Variants in DCLRE1C observed in about 807,000 individuals in gnomAD.
DCLRE1C encodes DNA cross-link repair 1C, also known as protein artemis.
DCLRE1C carries 47 observed loss-of-function variants against 61.4 expected under a neutral mutation model. That is an observed-to-expected ratio of 0.77 (90% confidence interval 0.61 to 0.98). The LOEUF (loss-of-function observed/expected upper bound fraction) is 0.98. Ranked by LOEUF, DCLRE1C falls within the 50% of genes least tolerant of loss-of-function variation. The pLI is 0.00. For missense variants in DCLRE1C, 858 were observed against 816.0 expected (o/e 1.05, Z -0.63); for synonymous variants, 337 against 287.6 (o/e 1.17, Z -1.74).
chr10:14,906,043 C>T lies in DCLRE1C; in HGVS notation c.*2365G>A, dbSNP rs192927848. Among the ~76,000 whole-genome samples, 1 of 152,276 alleles carries T rather than the reference C, an allele frequency of 6.6e-6. No individual in the cohort carries two copies. The highest frequency in any genetic ancestry group is 1.9e-4 in the East Asian group (1 of 5,184). On this transcript the variant is annotated 3_prime_UTR_variant, in exon 14 of 14. Transcript: ENST00000378278. ...TGGTTTATGATTCTTGACGTAAAAA[C>T]CAAGTAGCTGCTACAATTAACCCTG...
chr10:14,908,250 T>C lies in DCLRE1C; in HGVS notation c.*158A>G. The C allele has an allele frequency of 1.8e-6, 1 of 569,720 alleles. No homozygotes were observed. The highest frequency in any genetic ancestry group is 1.9e-5 in the South Asian group (1 of 53,892). 35.3% of individuals were successfully genotyped at this position (569,720 alleles called of 1,614,324 possible). On this transcript the variant is annotated 3_prime_UTR_variant, in exon 14 of 14. Coordinates refer to ENST00000378278, the MANE Select transcript of DCLRE1C (RefSeq NM_001033855.3). ...GTGTCGAACTCCTGGGCTCAAGCCA[T>C]TGCCCACCTCAAAGTGCTGGGATTA...
rs749175752 is a variant in DCLRE1C, at chr10:14,916,332, G to A, written c.1156+3406C>T. ...ACAATGATGATCTTATATAGAAACC[G>A]CAATGGAATCTACAAGAAAAGGCAC... On this transcript the variant is annotated intron_variant, in intron 13 of 13. Transcript: ENST00000378278. Among the ~76,000 whole-genome samples, 14 of 152,066 alleles carry A rather than the reference G, an allele frequency of 9.2e-5. No homozygotes were observed. The East Asian group carries it at 1.2e-3, about 13-fold the overall frequency.
chr10:14,932,084 A>G (rs1206058070), intron 9 of DCLRE1C, among the ~76,000 whole-genome samples: 2 of 151,592 alleles, frequency 1.3e-5, no homozygotes, highest in Non-Finnish European at 2.9e-5. Context: ...ATTAGCCAGA[A>G]GTCATGGTGC....
chr10:14,901,861 T>G (rs1195333093), downstream of DCLRE1C, among the ~76,000 whole-genome samples: 1 of 152,118 alleles, frequency 6.6e-6, no homozygotes, highest in Non-Finnish European at 1.5e-5. Flanking sequence ...ATTTTTGAAT[T>G]TTTACTGAGA....
upstream of DCLRE1C, chr10:14,954,219 C>T (rs770140632): frequency 1.5e-4 from 115 of 747,504 alleles, no homozygotes; most frequent in Non-Finnish European, 2.1e-4. Context: ...GGGTTTAAAT[C>T]ACCCGCGCTT....
At chr10:14,938,240 T>C (rs1840295907) in intron 4 of DCLRE1C, among the ~76,000 whole-genome samples, 1 of 152,206 alleles carries the variant, frequency 6.6e-6, no homozygotes, top group Non-Finnish European at 1.5e-5. Flanking sequence ...GTTCAGGGAA[T>C]GCCTTTCACC....
At position 14,906,052 on chromosome 10, in the gene DCLRE1C, T is replaced by G. The variant is rs1366623140; in HGVS notation, c.*2356A>C. Among the ~76,000 whole-genome samples the G allele has an allele frequency of 6.6e-6, 1 of 152,238 alleles. No homozygotes were observed. The highest frequency in any genetic ancestry group is 1.9e-4 in the East Asian group (1 of 5,204). ...ATTCTTGACGTAAAAACCAAGTAGC[T>G]GCTACAATTAACCCTGCTCATGTTT... On this transcript the variant is annotated 3_prime_UTR_variant, in exon 14 of 14. Transcript: ENST00000378278.
At chr10:14,919,998 T>C (rs1836838048) in intron 12 of DCLRE1C, among the ~76,000 whole-genome samples, 166 bp from the exon 13 acceptor site, 2 of 152,220 alleles carry the variant, frequency 1.3e-5, no homozygotes, top group African/African-American at 4.8e-5. Context: ...CTTTGGAGGA[T>C]TGAAAAGCAG....
chr10:14,908,515 C>T lies in DCLRE1C; in HGVS notation c.1972G>A (p.Glu658Lys), dbSNP rs776446930. The stretch of plus-strand genomic sequence containing the variant: ...TGCTCTCGTTTAGGTAACTCAGCTT[C>T]TGGAGTTGAGGGAACTTCAAAATCA... ...SSDFEVPSTPEAELPKREHLQ... is the reference protein window; with the variant it reads ...SSDFEVPSTPKAELPKREHLQ... The change falls in exon 14 of 14, where the codon GAA becomes AAA. Residue 658 changes from glutamate (E) to lysine (K), a missense_variant. By Grantham distance (56) the Glu-to-Lys change is moderately conservative. This residue lies in a region of DCLRE1C where 843 missense variants were observed against 783.5 expected (regional missense o/e 1.08). Coordinates refer to ENST00000378278, the MANE Select transcript of DCLRE1C (RefSeq NM_001033855.3). 26 of 1,613,940 alleles carry T rather than the reference C, an allele frequency of 1.6e-5. No individual in the cohort carries two copies. Among genetic ancestry groups the T allele is most frequent in the Non-Finnish European group, 2.2e-5 (26 of 1,180,004 alleles).
chr10:14,950,842 G>A (rs187202486), intron 1 of DCLRE1C, among the ~76,000 whole-genome samples: 110 of 152,310 alleles, frequency 7.2e-4, no homozygotes, highest in Non-Finnish European at 7.5e-4. Context: ...GGCTGGAACT[G>A]CACCCAGGTC....
rs763272664 is a variant in DCLRE1C, at chr10:14,928,058, A to C, written c.875T>G (p.Met292Arg). The change falls in exon 10 of 14, where the codon ATG becomes AGG. Residue 292 changes from methionine (M) to arginine (R), a missense_variant. Around this residue, in one of 2 missense-constraint regions of DCLRE1C, gnomAD observed 843 missense variants for 783.5 expected, o/e 1.08. Coordinates refer to ENST00000378278, the MANE Select transcript of DCLRE1C (RefSeq NM_001033855.3). ...LHIISIKPST[M>R]WFGERSRKTN... The stretch of plus-strand genomic sequence containing the variant: ...TTTTCTGCTCCTTTCTCCAAACCAC[A>C]TGGTGGATGGCTTAATGCTGATTAT... The C allele has an allele frequency of 6.2e-7, 1 of 1,613,846 alleles. No homozygotes were observed. The highest frequency in any genetic ancestry group is 8.5e-7 in the Non-Finnish European group (1 of 1,179,882).
At position 14,909,062 on chromosome 10, in the gene DCLRE1C, A is replaced by G; in HGVS notation, c.1425T>C (p.Ser475=). 6.2e-7 allele frequency: 1 copy of G among 1,614,220 alleles called. No individual in the cohort carries two copies. The highest frequency in any genetic ancestry group is 1.1e-5 in the South Asian group (1 of 91,086). Residue 475 remains serine (S), a synonymous_variant, in exon 14 of 14, where the codon TCT becomes TCC. Coordinates refer to ENST00000378278, the MANE Select transcript of DCLRE1C (RefSeq NM_001033855.3). The stretch of plus-strand genomic sequence containing the variant: ...CATCAGCCTTTTGCAGGTGAAGTAC[A>G]GAGCCCAGATCTCCTTGCAGTGAAG... The part of the protein sequence containing the change: ...IPASLQGDLG[S]VLHLQKADGD...
intron 1 of DCLRE1C, among the ~76,000 whole-genome samples, chr10:14,949,845 G>A (rs1842203809): frequency 1.3e-5 from 2 of 151,970 alleles, no homozygotes; most frequent in South Asian, 4.1e-4. Flanking sequence ...AGAAGTTCAA[G>A]ACCAACCTTG....
intron 9 of DCLRE1C, among the ~76,000 whole-genome samples, chr10:14,928,786 GTTTT>G (rs1295642325): frequency 7.5e-6 from 1 of 133,640 alleles, no homozygotes; most frequent in South Asian, 2.4e-4. Context: ...GGTGTATGGT[GTTTT>G]TTTTTTTTTT....
chr10:14,943,050 C>G (rs1057400688), intron 3 of DCLRE1C, among the ~76,000 whole-genome samples: 7 of 152,116 alleles, frequency 4.6e-5, no homozygotes, highest in Non-Finnish European at 1.0e-4. Flanking sequence ...TTGCTTGAAC[C>G]GGTTAGATGG....
rs540967525 is a variant in DCLRE1C, at chr10:14,908,016, C to T, written c.*392G>A. 1.4e-4 allele frequency: 25 copies of T among 176,054 alleles called. No individual in the cohort carries two copies. The highest frequency in any genetic ancestry group is 2.6e-3 in the Middle Eastern group (1 of 382). The allele number at this position is 176,054 out of a possible 1,614,324, so 10.9% of individuals were successfully genotyped here. On this transcript the variant is annotated 3_prime_UTR_variant, in exon 14 of 14. Transcript: ENST00000378278. ...AGCTGGGATTACAGGCATGAGCCAC[C>T]GTGCCTGGCCTTTTTCTTTTTTAAA...
intron 3 of DCLRE1C, among the ~76,000 whole-genome samples, chr10:14,944,737 T>A (rs560570268): frequency 1.4e-5 from 2 of 147,584 alleles, no homozygotes; most frequent in East Asian, 2.0e-4. Context: ...TGCAGTGGCG[T>A]GATCTCAGCT....
In DCLRE1C at chr10:14,909,079, G is replaced by T. The variant is rs750104684; in HGVS notation, c.1408C>A (p.Gln470Lys). The T allele has an allele frequency of 2.9e-5, 47 of 1,614,052 alleles. No homozygotes were observed. The highest frequency in any genetic ancestry group is 3.3e-4 in the Middle Eastern group (2 of 6,082). ...EEEVGIPASLQGDLGSVLHLQ... is the reference protein window; with the variant it reads ...EEEVGIPASLKGDLGSVLHLQ... Reference sequence around the variant, plus strand: ...TGAAGTACAGAGCCCAGATCTCCTTGCAGTGAAGCTGGGATTCCTACTTCT... The same window carrying T: ...TGAAGTACAGAGCCCAGATCTCCTTTCAGTGAAGCTGGGATTCCTACTTCT... The change falls in exon 14 of 14, where the codon CAA becomes AAA. Residue 470 changes from glutamine to lysine, a missense_variant. Physicochemically the swap from Gln to Lys is moderately conservative, Grantham distance 53 (BLOSUM62 1). Transcript: ENST00000378278.
downstream of DCLRE1C, chr10:14,901,185 G>C: frequency 1.2e-6 from 2 of 1,613,948 alleles, no homozygotes; most frequent in Non-Finnish European, 8.5e-7. Flanking sequence ...CTCGATACTC[G>C]TCTTCCCCGA....
Sources: allele counts gnomAD v4.1 joint callset (sites outside exome capture counted in the v4.1 genomes callset), GRCh38; gene constraint gnomAD v4.1.1; regional missense constraint gnomAD v4.1.1; transcripts MANE v1.5; gene names NCBI Gene and HGNC (gene_info 2026-07-23, HGNC 2026-07-21).